Variants in ZNF841 observed in about 807,000 individuals in gnomAD.
ZNF841 encodes zinc finger protein 841.
A neutral mutation model predicts 13.0 loss-of-function variants in ZNF841; 11 were observed. That is an observed-to-expected ratio of 0.85 (90% CI 0.53 to 1.40). The LOEUF (loss-of-function observed/expected upper bound fraction) is 1.40. ZNF841 is among the 40% of genes most tolerant of loss of function. The pLI, the probability that ZNF841 is intolerant of heterozygous loss-of-function variation, is 0.00. For synonymous variants in ZNF841, 369 were observed against 381.6 expected (o/e 0.97, Z 0.38); for missense variants, 1,068 against 1,139.5 (o/e 0.94, Z 0.90).
At chr19:52,059,370 A>AAAAAAAAT in the ZNF841 span, among the ~76,000 whole-genome samples, 10 of 69,638 alleles carry the variant, frequency 1.4e-4, no homozygotes, top group African/African-American at 6.6e-4. Flanking sequence ...AAAAAAAAAA[A>AAAAAAAAT]ATATATATAT....
chr19:52,065,470 T>C lies in ZNF841; in HGVS notation c.2412A>G (p.Val804=), dbSNP rs557914758. Residue 804 remains valine (V), a synonymous_variant, in exon 7 of 7, where the codon GTA becomes GTG. Transcript: ENST00000594440. ...TCTGATGATTAAGCAGAATTGAACG[T>C]ACTCTAAAGGCTTTGCCACACTCAT... is the stretch of plus-strand genomic sequence containing the variant. ...KCNECGKAFR[V]RSILLNHQMM... is the part of the protein sequence containing the mutation. 2 of 1,613,648 alleles carry C rather than the reference T, an allele frequency of 1.2e-6. No individual in the cohort carries two copies. The highest frequency in any genetic ancestry group is 2.2e-5 in the East Asian group (1 of 44,814).
chr19:52,083,360 T>C (rs187136871), intron 4 of ZNF841, among the ~76,000 whole-genome samples: 249 of 151,074 alleles, frequency 1.6e-3, no homozygotes, highest in Non-Finnish European at 2.5e-3. Flanking sequence ...TCTGGCAAGA[T>C]TCCCCACTAC....
intron 4 of ZNF841, among the ~76,000 whole-genome samples, chr19:52,079,431 T>TAAAA (rs35306980): frequency 1.2e-5 from 1 of 83,196 alleles, no homozygotes; most frequent in Admixed American, 1.3e-4. Flanking sequence ...AGGAAATCTG[T>TAAAA]AAAAAAAAAA....
intron 1 of ZNF841, among the ~76,000 whole-genome samples, chr19:52,094,772 T>TC (rs146100536): frequency 0.013 from 1,969 of 151,814 alleles, 42 homozygotes; most frequent in African/African-American, 0.045. Context: ...TTTCACCTTC[T>TC]CCCCACTGTC....
the ZNF841 span, among the ~76,000 whole-genome samples, chr19:52,059,390 T>TATATATATATACAC: frequency 3.4e-4 from 33 of 96,328 alleles, no homozygotes; most frequent in South Asian, 2.1e-3. Flanking sequence ...TATATATATA[T>TATATATATATACAC]ACACACACAC....
At position 52,065,034 on chromosome 19, in the gene ZNF841, G is replaced by A. The variant is rs1302731962; in HGVS notation, c.*73C>T. On this transcript the variant is annotated 3_prime_UTR_variant, in exon 7 of 7. Transcript: ENST00000594440. ...CCCACTAGGCTCCACCTCCAATACT[G>A]GAGATTACTACAATTCCACATGAGA... is the stretch of plus-strand genomic sequence containing the variant. 2.3e-6 allele frequency: 3 copies of A among 1,327,220 alleles called. No homozygotes were observed. The African/African-American group carries it at 4.5e-5, about 20-fold the overall frequency. The allele number at this position is 1,327,220 out of a possible 1,614,324, so 82.2% of individuals were successfully genotyped here.
At chr19:52,077,182 G>C in intron 4 of ZNF841, 98 bp from the exon 5 acceptor site, 1 of 1,373,076 alleles carries the variant, frequency 7.3e-7, no homozygotes, top group South Asian at 1.4e-5. Flanking sequence ...TTTGATTGAA[G>C]TGTGTTTTGA....
Position 52,083,079 on chromosome 19 carries a change from C to CA in ZNF841, c.15+1707dup, listed in dbSNP as rs60065931. On this transcript the variant is annotated intron_variant, in intron 4 of 6. Coordinates refer to ENST00000594440, the MANE Select transcript of ZNF841 (RefSeq NM_001136499.2). The stretch of plus-strand genomic sequence containing the variant: ...TGGGCGACAGAGCAAGACTCCGTCT[C>CA]AAAAAAAAAAAAAAAATGTACATTT... Among the ~76,000 whole-genome samples the CA allele has an allele frequency of 3.0e-3, 353 of 118,616 alleles. 1 individual carries two copies. Among genetic ancestry groups the CA allele is most frequent in the East Asian group, 7.0e-3 (31 of 4,438 alleles). The allele number at this position is 118,616 out of a possible 152,430, so 77.8% of individuals were successfully genotyped here.
intron 6 of ZNF841, 129 bp downstream of exon 6, chr19:52,075,900 AAGCAAAGTGATAAGC>A: frequency 1.7e-6 from 2 of 1,198,384 alleles, no homozygotes; most frequent in South Asian, 1.6e-5. Context: ...CGTGTCTGGA[AAGCAAAGTGATAAGC>A]AGGAAAGAAG....
intron 4 of ZNF841, among the ~76,000 whole-genome samples, chr19:52,080,421 T>C (rs529341437): frequency 6.6e-6 from 1 of 152,228 alleles, no homozygotes; most frequent in Admixed American, 6.5e-5. Context: ...TTGACAGAGA[T>C]CCAGCCCCTG....
At chr19:52,082,305 G>C (rs561514293) in intron 4 of ZNF841, among the ~76,000 whole-genome samples, 3 of 152,148 alleles carry the variant, frequency 2.0e-5, no homozygotes, top group African/African-American at 7.2e-5. Context: ...TATAAAAAAA[G>C]AACCAACAAA....
At chr19:52,070,470 G>C (rs1228237172) in intron 6 of ZNF841, among the ~76,000 whole-genome samples, 1 of 152,226 alleles carries the variant, frequency 6.6e-6, no homozygotes, top group Non-Finnish European at 1.5e-5. Context: ...GCGCAGTCCA[G>C]AGTAGGCTTG....
downstream of ZNF841, among the ~76,000 whole-genome samples, chr19:52,064,294 C>T (rs1410446604): frequency 6.7e-5 from 9 of 133,790 alleles, no homozygotes; most frequent in Admixed American, 1.8e-4. Context: ...TGCAGTGAGC[C>T]GAGATTGCGC....
chr19:52,064,844 G>C lies in ZNF841; in HGVS notation c.*263C>G, dbSNP rs2087488425. 1 of 255,320 alleles carries C rather than the reference G, an allele frequency of 3.9e-6. No individual in the cohort carries two copies. Among genetic ancestry groups the C allele is most frequent in the African/African-American group, 2.2e-5 (1 of 44,914 alleles). The allele number at this position is 255,320 out of a possible 1,614,324, so 15.8% of individuals were successfully genotyped here. ...AAACAGGGTTTCACCATGTTGGCCA[G>C]GCTGCTCTTGAACTCCTGACCTCAA... On this transcript the variant is annotated 3_prime_UTR_variant, in exon 7 of 7. Coordinates refer to ENST00000594440, the MANE Select transcript of ZNF841 (RefSeq NM_001136499.2).
Position 52,065,630 on chromosome 19 carries a change from G to A in ZNF841, c.2252C>T (p.Thr751Ile), listed in dbSNP as rs2087526665. The part of the protein sequence containing the change: ...ECGKVFNSTT[T>I]LARHRRIHTG... ...ATGAATTCTCCGATGCCTTGCCAGG[G>A]TTGTAGTGGAGTTAAAGACTTTCCC... Residue 751 changes from threonine to isoleucine, a missense_variant, in exon 7 of 7, where the codon ACC (threonine) becomes ATC (isoleucine). Transcript: ENST00000594440. 1.9e-6 allele frequency: 3 copies of A among 1,609,942 alleles called. No individual in the cohort carries two copies. Among genetic ancestry groups the A allele is most frequent in the Non-Finnish European group, 2.5e-6 (3 of 1,177,964 alleles).
rs1318169124 is a variant in ZNF841, at chr19:52,065,664, T to C, written c.2218A>G (p.Ile740Val). The C allele has an allele frequency of 3.7e-6, 6 of 1,604,588 alleles. No individual in the cohort carries two copies. The highest frequency in any genetic ancestry group is 2.6e-6 in the Non-Finnish European group (3 of 1,175,044). The change falls in exon 7 of 7, where the codon ATT becomes GTT. Residue 740 changes from isoleucine to valine, a missense_variant. By Grantham distance (29) the Ile-to-Val change is conservative. Coordinates refer to ENST00000594440, the MANE Select transcript of ZNF841 (RefSeq NM_001136499.2). Reference protein sequence around the residue: ...RHTGEMPYKCIECGKVFNSTT... With the variant: ...RHTGEMPYKCVECGKVFNSTT... Reference sequence around the variant, plus strand: ...GAGTTAAAGACTTTCCCACATTCAATACATTTGTATGGCATCTCTCCAGTA... The same window carrying C: ...GAGTTAAAGACTTTCCCACATTCAACACATTTGTATGGCATCTCTCCAGTA...
intron 1 of ZNF841, among the ~76,000 whole-genome samples, chr19:52,095,311 G>A (rs1214158988): frequency 6.6e-6 from 1 of 152,192 alleles, no homozygotes; most frequent in Non-Finnish European, 1.5e-5. Context: ...ATCCCAGGAC[G>A]TGGGAGGAGA....
At chr19:52,084,676 G>C (rs548677778) in intron 4 of ZNF841, 111 bp downstream of exon 4, 9 of 1,221,692 alleles carry the variant, frequency 7.4e-6, no homozygotes, top group Non-Finnish European at 1.1e-5. Flanking sequence ...GGGTGAGTGC[G>C]AGCAAATGTG....
intron 4 of ZNF841, among the ~76,000 whole-genome samples, chr19:52,083,113 T>C (rs1434281281): frequency 6.6e-6 from 1 of 151,968 alleles, no homozygotes; most frequent in African/African-American, 2.4e-5. Flanking sequence ...TTCAAAAACT[T>C]GCAAAATACA....
Sources: allele counts gnomAD v4.1 joint callset (sites outside exome capture counted in the v4.1 genomes callset), GRCh38; gene constraint gnomAD v4.1.1; transcripts MANE v1.5; gene names NCBI Gene and HGNC (gene_info 2026-07-23, HGNC 2026-07-21).